Variants in VPS13B observed in about 807,000 individuals in gnomAD.
VPS13B encodes intermembrane lipid transfer protein VPS13B.
In VPS13B, 285 loss-of-function variants were observed where a neutral mutation model predicts 426.4. The ratio of observed to expected loss-of-function variants is 0.67; its 90% CI spans 0.61 to 0.74. The LOEUF is 0.74. Ranked by LOEUF, VPS13B falls within the 30% of genes least tolerant of loss-of-function variation. The pLI is 0.00. For synonymous variants in VPS13B, 1,676 were observed against 1,676.4 expected, an observed-to-expected ratio of 1.00 and a Z score of 0.01; for missense variants, 4,537 against 4,782.6, an observed-to-expected ratio of 0.95 and a Z score of 1.51.
In VPS13B at chr8:99,835,636, G is replaced by A. The variant is rs768548398; in HGVS notation, c.9840G>A (p.Lys3280=). 1.9e-6 allele frequency: 3 copies of A among 1,614,060 alleles called. No individual in the cohort carries two copies. Among genetic ancestry groups the A allele is most frequent in the Non-Finnish European group, 2.5e-6 (3 of 1,180,016 alleles). ...AGATTTCCAGTTATCCGGACTGCAA[G>A]ACCAAAGACTTACTTCCAAGCCTAC... ...YHQISSYPDC[K]TKDLLPSLLL... Residue 3280 remains lysine (K), a synonymous_variant, in exon 54 of 62, where the codon AAG becomes AAA. Transcript: ENST00000357162.
chr8:99,870,107 G>A lies in VPS13B; in HGVS notation c.11393-678G>A, dbSNP rs1817315913. ...AGGGTGTGCCTTTGTATATATCTGT[G>A]TGTTTTTTATTTTTTGACTAGCCTT... On this transcript the variant is annotated intron_variant, in intron 59 of 61. Coordinates refer to ENST00000357162, the MANE Select transcript of VPS13B (RefSeq NM_152564.5). Among the ~76,000 whole-genome samples, 2 of 152,198 alleles carry A rather than the reference G, an allele frequency of 1.3e-5. 1 individual carries two copies. Among genetic ancestry groups the A allele is most frequent in the South Asian group, 4.1e-4 (2 of 4,834 alleles).
At chr8:99,261,712 C>T (rs537297862) in intron 17 of VPS13B, among the ~76,000 whole-genome samples, 2 of 152,276 alleles carry the variant, frequency 1.3e-5, no homozygotes, top group East Asian at 3.9e-4. Context: ...TCTCCACATC[C>T]TCACCAGCAT....
chr8:99,735,152 C>T (rs1302164545), intron 39 of VPS13B, among the ~76,000 whole-genome samples: 2 of 151,760 alleles, frequency 1.3e-5, no homozygotes, highest in African/African-American at 4.8e-5. Context: ...AAATAGAAGT[C>T]ACACTCAGAA....
chr8:99,731,197 T>C (rs1275907901), intron 39 of VPS13B, among the ~76,000 whole-genome samples: 5 of 152,182 alleles, frequency 3.3e-5, no homozygotes, highest in Non-Finnish European at 1.5e-5. Flanking sequence ...TCTCCATTCA[T>C]TCCATGGTGG....
chr8:99,438,034 C>CTT (rs746500253), intron 22 of VPS13B, among the ~76,000 whole-genome samples: 9,603 of 120,532 alleles, frequency 0.08, 758 homozygotes, highest in East Asian at 0.33. Context: ...TTCTTTTCCT[C>CTT]TTTTTTTTTT....
chr8:99,298,271 C>T (rs1820153480), intron 19 of VPS13B, among the ~76,000 whole-genome samples: 1 of 152,230 alleles, frequency 6.6e-6, no homozygotes, highest in African/African-American at 2.4e-5. Context: ...GGTGGATCAT[C>T]TGAGGTCAGG....
intron 41 of VPS13B, among the ~76,000 whole-genome samples, chr8:99,777,436 G>GT (rs1009178600): frequency 7.2e-5 from 11 of 152,028 alleles, no homozygotes; most frequent in African/African-American, 2.2e-4. Context: ...AGGGAAACTC[G>GT]TTTTTTTATA....
rs1022816015 is a variant in VPS13B, at chr8:99,757,838, G to A, written c.7051-8936G>A. On this transcript the variant is annotated intron_variant, in intron 39 of 61. Transcript: ENST00000357162. ...TTATGTATGGCTGGCTAATTTTTTA[G>A]GTCCTGTCAAATAATGGATAGGAAA... 7.2e-5 allele frequency among the ~76,000 whole-genome samples: 11 copies of A among 152,102 alleles called. 1 individual carries two copies. The South Asian group carries it at 1.7e-3, about 23-fold the overall frequency.
intron 36 of VPS13B, among the ~76,000 whole-genome samples, chr8:99,701,027 A>G (rs1273767388): frequency 6.6e-6 from 1 of 152,216 alleles, no homozygotes; most frequent in Non-Finnish European, 1.5e-5. Flanking sequence ...TTAGTTCCAC[A>G]TAGCCAGGTT....
chr8:99,650,246 G>A (rs1434870611), intron 34 of VPS13B, among the ~76,000 whole-genome samples: 1 of 152,110 alleles, frequency 6.6e-6, no homozygotes, highest in Non-Finnish European at 1.5e-5. Flanking sequence ...CTCCCAAGGA[G>A]TTGTCAGCAT....
intron 3 of VPS13B, among the ~76,000 whole-genome samples, chr8:99,040,463 A>C (rs1201268805): frequency 6.6e-6 from 1 of 152,198 alleles, no homozygotes. Context: ...CATTTGGACA[A>C]ATTATTTAGC....
chr8:99,735,847 G>T (rs1833804010), intron 39 of VPS13B, among the ~76,000 whole-genome samples: 1 of 152,120 alleles, frequency 6.6e-6, no homozygotes, highest in African/African-American at 2.4e-5. Flanking sequence ...ATGGACTGGG[G>T]GGTGGAAAAC....
intron 9 of VPS13B, 131 bp downstream of exon 9, chr8:99,134,858 T>A: frequency 8.5e-7 from 1 of 1,171,328 alleles, no homozygotes. Flanking sequence ...TAATAGAGTT[T>A]ACTATCTCAT....
At chr8:99,206,463 C>A (rs1814730372) in intron 17 of VPS13B, among the ~76,000 whole-genome samples, 1 of 152,160 alleles carries the variant, frequency 6.6e-6, no homozygotes, top group African/African-American at 2.4e-5. Flanking sequence ...GCAGTAGCAT[C>A]TGGTCTATTC....
intron 39 of VPS13B, among the ~76,000 whole-genome samples, chr8:99,724,184 T>G (rs898858448): frequency 2.6e-5 from 4 of 152,208 alleles, no homozygotes; most frequent in African/African-American, 9.6e-5. Context: ...AGCTTTCTCC[T>G]TGAGGATCTA....
rs1433923180 is a variant in VPS13B at position 99,766,115 on chromosome 8, G to A, written c.7051-659G>A. The stretch of plus-strand genomic sequence containing the variant: ...TTTTGAGGCAGATTCTTGCTCTGTC[G>A]CCCAGGCTGGAGTGCAGTCACTGGT... On this transcript the variant is annotated intron_variant, in intron 39 of 61. Transcript: ENST00000357162. Among the ~76,000 whole-genome samples the A allele has an allele frequency of 7.1e-5, 8 of 113,012 alleles. No individual in the cohort carries two copies. The South Asian group carries it at 8.9e-4, about 13-fold the overall frequency. The allele number at this position is 113,012 out of a possible 152,430, so 74.1% of individuals were successfully genotyped here.
Position 99,052,700 on chromosome 8 carries a change from A to G in VPS13B, c.291+14134A>G, listed in dbSNP as rs1419164298. On this transcript the variant is annotated intron_variant, in intron 3 of 61. Transcript: ENST00000357162. ...TTGGTAAGCTATTAATTATTGCCTC[A>G]ATTTCAGAGCCTGTTATTGGTCTAT... Among the ~76,000 whole-genome samples, 4 of 152,018 alleles carry G rather than the reference A, an allele frequency of 2.6e-5. No individual in the cohort carries two copies. The East Asian group carries it at 7.7e-4, about 29-fold the overall frequency.
At chr8:99,209,990 T>C (rs534671351) in intron 17 of VPS13B, among the ~76,000 whole-genome samples, 5 of 152,288 alleles carry the variant, frequency 3.3e-5, no homozygotes, top group African/African-American at 1.2e-4. Flanking sequence ...TTAGTTCTTA[T>C]AATAAGCAAT....
intron 33 of VPS13B, among the ~76,000 whole-genome samples, chr8:99,582,201 T>C (rs1826098258): frequency 6.6e-6 from 1 of 152,192 alleles, no homozygotes; most frequent in East Asian, 1.9e-4. Context: ...TATATAATCA[T>C]GGGCATTAGT....
Sources: gnomAD v4.1 joint callset for allele counts (sites outside exome capture counted in the v4.1 genomes callset) on GRCh38, gnomAD v4.1.1 for gene constraint, MANE v1.5 for transcripts, NCBI Gene and HGNC (gene_info 2026-07-23, HGNC 2026-07-21) for gene names.